Variants in FTCDNL1 observed in about 807,000 individuals in gnomAD.
FTCDNL1 encodes the protein formiminotransferase N-terminal subdomain-containing protein.
In FTCDNL1, 11 loss-of-function variants were observed where a neutral mutation model predicts 5.9. The ratio of observed to expected loss-of-function variants is 1.87; its 90% CI spans 1.18 to 3.10. The LOEUF (loss-of-function observed/expected upper bound fraction) is 3.10. Ranked by LOEUF, FTCDNL1 falls within the 30% of genes most tolerant of loss-of-function variation. The pLI is 0.00. For missense variants in FTCDNL1, 115 were observed against 65.5 expected, an observed-to-expected ratio of 1.76 and a Z score of -2.61; for synonymous variants, 58 against 24.8, an observed-to-expected ratio of 2.34 and a Z score of -3.99.
the FTCDNL1 span, among the ~76,000 whole-genome samples, chr2:199,752,740 C>CTGTGTG: frequency 0.014 from 423 of 30,690 alleles, 2 homozygotes; most frequent in African/African-American, 0.018. Flanking sequence ...CTCTCTCTCT[C>CTGTGTG]TGTGTGTGTG....
chr2:199,741,869 T>A, the FTCDNL1 span, among the ~76,000 whole-genome samples: 1 of 152,212 alleles, frequency 6.6e-6, no homozygotes, highest in Non-Finnish European at 1.5e-5. Context: ...GACCACAGAA[T>A]GTTTTTAAAT....
At chr2:199,768,307 C>T (rs916775059) in intron 3 of FTCDNL1, among the ~76,000 whole-genome samples, 13 of 110,424 alleles carry the variant, frequency 1.2e-4, no homozygotes, top group Non-Finnish European at 2.2e-5. Context: ...TTAAGATGAG[C>T]TTCTTATAAG....
At chr2:199,720,605 T>G in the FTCDNL1 span, among the ~76,000 whole-genome samples, 2 of 152,192 alleles carry the variant, frequency 1.3e-5, no homozygotes, top group Non-Finnish European at 2.9e-5. Context: ...CAATCACTGC[T>G]TTTATCTTCA....
chr2:199,706,084 G>C, the FTCDNL1 span, among the ~76,000 whole-genome samples: 233 of 152,266 alleles, frequency 1.5e-3, no homozygotes, highest in African/African-American at 5.3e-3. Context: ...TTTTATAAAG[G>C]CAGCCTTAAG....
At chr2:199,740,991 T>G in the FTCDNL1 span, among the ~76,000 whole-genome samples, 1 of 152,146 alleles carries the variant, frequency 6.6e-6, no homozygotes, top group Non-Finnish European at 1.5e-5. Context: ...AGGCAGTCCT[T>G]CACAGATCAC....
At chr2:199,780,938 A>C (rs755093646) in intron 3 of FTCDNL1, among the ~76,000 whole-genome samples, 1 of 152,160 alleles carries the variant, frequency 6.6e-6, no homozygotes, top group African/African-American at 2.4e-5. Context: ...TAGGGAACCA[A>C]GGTGTCTAAC....
At chr2:199,799,137 T>C (rs1237720249) in intron 3 of FTCDNL1, among the ~76,000 whole-genome samples, 1 of 152,218 alleles carries the variant, frequency 6.6e-6, no homozygotes, top group Non-Finnish European at 1.5e-5. Context: ...CCTCATGTGC[T>C]ACGCTGAAAA....
intron 3 of FTCDNL1, among the ~76,000 whole-genome samples, chr2:199,796,881 T>C (rs189859670): frequency 7.2e-5 from 11 of 152,290 alleles, no homozygotes; most frequent in African/African-American, 2.6e-4. Flanking sequence ...GTAAACTGTA[T>C]TAAGTTGTAG....
Position 199,798,726 on chromosome 2 carries a change from C to T in FTCDNL1, c.212-37891G>A, listed in dbSNP as rs183609983. On this transcript the variant is annotated intron_variant, in intron 3 of 3. Transcript: ENST00000416668. ...TTGGTTCTCCCAAACCACTTGGTGACAAGACAACAATGAGCAGGAATCATG... is the reference window on the plus strand; with the variant it reads ...TTGGTTCTCCCAAACCACTTGGTGATAAGACAACAATGAGCAGGAATCATG... Among the ~76,000 whole-genome samples, 12 of 152,276 alleles carry T rather than the reference C, an allele frequency of 7.9e-5. No individual in the cohort carries two copies. In the East Asian group the frequency reaches 2.1e-3, roughly 27 times the overall value.
chr2:199,793,946 A>G (rs1700056188), intron 3 of FTCDNL1, among the ~76,000 whole-genome samples: 1 of 152,244 alleles, frequency 6.6e-6, no homozygotes, highest in African/African-American at 2.4e-5. Context: ...CGTTATAGAA[A>G]GAGGTGGCAT....
At position 199,765,533 on chromosome 2, in the gene FTCDNL1, TA is replaced by T. The variant is rs1174081799; in HGVS notation, c.212-4699del. ...CGTGGCATCTCTTTTTTGTCTTCAT[TA>T]TATATATATATATATATATATATTT... On this transcript the variant is annotated intron_variant, in intron 3 of 3. Transcript: ENST00000416668. 1.4e-3 allele frequency among the ~76,000 whole-genome samples: 105 copies of T among 73,610 alleles called. 1 individual carries two copies. The highest frequency in any genetic ancestry group is 3.8e-3 in the African/African-American group (94 of 24,964). The allele number at this position is 73,610 out of a possible 152,430, so 48.3% of individuals were successfully genotyped here. A position where few individuals can be genotyped will look rare whatever the true frequency, so the allele number is the denominator to read the frequency against.
Position 199,760,887 on chromosome 2 carries a change from G to A in FTCDNL1, c.212-52C>T, listed in dbSNP as rs995727156. 1.7e-5 allele frequency: 12 copies of A among 702,034 alleles called. No homozygotes were observed. In the Admixed American group the frequency reaches 1.8e-4, roughly 11 times the overall value. The allele number at this position is 702,034 out of a possible 1,614,324, so 43.5% of individuals were successfully genotyped here. A position where few individuals can be genotyped will look rare whatever the true frequency, so the allele number is the denominator to read the frequency against. On this transcript the variant is annotated intron_variant, in intron 3 of 3. Coordinates refer to the FTCDNL1 transcript ENST00000416668. ...TATTTGGAAGAGAAAGAGTGGTTGA[G>A]GCCTTACCCCTCTCCACTCAACCCC...
intron 3 of FTCDNL1, among the ~76,000 whole-genome samples, chr2:199,781,779 T>C: frequency 6.6e-6 from 1 of 151,922 alleles, no homozygotes; most frequent in Admixed American, 6.5e-5. Flanking sequence ...TGTTTTTTGT[T>C]TGTTTGTTTG....
chr2:199,668,493 G>A, the FTCDNL1 span, among the ~76,000 whole-genome samples: 1 of 150,560 alleles, frequency 6.6e-6, no homozygotes, highest in Admixed American at 6.6e-5. Context: ...TTGACCTTCA[G>A]ATGAGCAGGT....
At chr2:199,669,312 A>T in the FTCDNL1 span, among the ~76,000 whole-genome samples, 1 of 152,220 alleles carries the variant, frequency 6.6e-6, no homozygotes, top group Admixed American at 6.5e-5. Flanking sequence ...CAAAAGAGAA[A>T]AAAATAAATA....
chr2:199,672,448 T>TA, the FTCDNL1 span, among the ~76,000 whole-genome samples: 102 of 152,286 alleles, frequency 6.7e-4, no homozygotes, highest in African/African-American at 2.2e-3. Context: ...TGAGAGTGTA[T>TA]ATCTATGGCT....
the FTCDNL1 span, among the ~76,000 whole-genome samples, chr2:199,725,021 CTTTG>C: frequency 1.2e-4 from 19 of 152,232 alleles, no homozygotes; most frequent in African/African-American, 3.9e-4. Context: ...GTCTAAGTCT[CTTTG>C]TAGGTCTCTA....
chr2:199,741,399 C>T, the FTCDNL1 span, among the ~76,000 whole-genome samples: 1 of 152,188 alleles, frequency 6.6e-6, no homozygotes, highest in Non-Finnish European at 1.5e-5. Flanking sequence ...AATTGATGAA[C>T]TCCTTGTAGG....
At chr2:199,674,020 C>A in the FTCDNL1 span, among the ~76,000 whole-genome samples, 3 of 152,066 alleles carry the variant, frequency 2.0e-5, no homozygotes, top group South Asian at 6.2e-4. Flanking sequence ...CAAGATAGTG[C>A]TAATAGAAAC....
Sources: allele counts gnomAD v4.1 joint callset (sites outside exome capture counted in the v4.1 genomes callset), GRCh38; gene constraint gnomAD v4.1.1; transcripts MANE v1.5; gene names NCBI Gene and HGNC (gene_info 2026-07-23, HGNC 2026-07-21).